Variants in OGT observed in about 807,000 individuals in gnomAD.
OGT encodes the protein UDP-N-acetylglucosamine--peptide N-acetylglucosaminyltransferase 110 kDa subunit.
In OGT, 3 loss-of-function variants were observed where a neutral mutation model predicts 75.8. That is an observed-to-expected ratio of 0.04 (90% CI 0.02 to 0.10). The LOEUF (loss-of-function observed/expected upper bound fraction) is 0.10, where lower values mean the gene tolerates loss of function less well. Ranked by LOEUF, OGT falls within the 10% of genes least tolerant of loss-of-function variation. OGT has a pLI of 1.00. For synonymous variants in OGT, 257 were observed against 289.7 expected (o/e 0.89, Z 1.15); for missense variants, 260 against 824.4 (o/e 0.32, Z 8.38).
At chrX:71,536,384 G>A (rs369692996) in intron 2 of OGT, 26 bp downstream of exon 2, 27 of 1,070,666 alleles carry the variant, frequency 2.5e-5, no homozygotes, top group Non-Finnish European at 3.2e-5. Context: ...GTACCTGCTC[G>A]TGATTGCTGC....
chrX:71,557,140 A>G, intron 10 of OGT, 35 bp downstream of exon 10: 1 of 1,202,332 alleles, frequency 8.3e-7, no homozygotes, highest in Non-Finnish European at 1.1e-6. Context: ...GCAGTTTAAC[A>G]CCTAAAATTT....
Position 71,537,969 on chromosome X carries a change from C to G in OGT, c.359C>G (p.Pro120Arg). ...EHYRHALRLKPDFIDGYINLA... is the reference protein window; with the variant it reads ...EHYRHALRLKRDFIDGYINLA... ...TATCGACATGCATTGCGTCTCAAAC[C>G]TGATTTCATCGATGGTTATATTAAC... The change falls in exon 3 of 22, where the codon CCT becomes CGT. Residue 120 changes from proline to arginine, a missense_variant. Transcript: ENST00000373719. The G allele has an allele frequency of 8.3e-7, 1 of 1,211,846 alleles. No individual in the cohort carries two copies. The highest frequency in any genetic ancestry group is 1.1e-6 in the Non-Finnish European group (1 of 895,488).
In OGT at chrX:71,538,018, G is replaced by A. The variant is rs1207966224; in HGVS notation, c.408G>A (p.Ala136=). The A allele has an allele frequency of 1.2e-5, 15 of 1,211,590 alleles. No homozygotes were observed. The East Asian group carries it at 3.2e-4, about 26-fold the overall frequency. ...ACCTGGCAGCCGCCTTGGTAGCAGC[G>A]GGTGACATGGAAGGGGCAGTACAAG... is the stretch of plus-strand genomic sequence containing the variant. ...YINLAAALVA[A]GDMEGAVQAY... The change falls in exon 3 of 22, where the codon GCG becomes GCA. Residue 136 remains alanine, a synonymous_variant. Coordinates refer to ENST00000373719, the MANE Select transcript of OGT (RefSeq NM_181672.3).
In OGT at chrX:71,541,479, A is replaced by T. The variant is rs182101371; in HGVS notation, c.463-3088A>T. On this transcript the variant is annotated intron_variant, in intron 3 of 21. Transcript: ENST00000373719. ...TGTTGTGGGGGAAGTTGCGGGTTAT[A>T]ATATAAGACAGGACCTGACCCGTAA... Among the ~76,000 whole-genome samples the T allele has an allele frequency of 2.0e-4, 22 of 111,842 alleles. No homozygotes were observed. The East Asian group carries it at 4.8e-3, about 24-fold the overall frequency.
chrX:71,541,539 T>C (rs1352325172), intron 3 of OGT, among the ~76,000 whole-genome samples: 2 of 111,322 alleles, frequency 1.8e-5, no homozygotes, highest in Non-Finnish European at 3.8e-5. Context: ...GGATGATAAT[T>C]GTTGGAGAGT....
Position 71,556,793 on chromosome X carries a change from A to G in OGT, c.1166+13A>G. 9.1e-7 allele frequency: 1 copy of G among 1,096,287 alleles called. No homozygotes were observed. Among genetic ancestry groups the G allele is most frequent in the South Asian group, 2.1e-5 (1 of 48,182 alleles). 90.3% of individuals were successfully genotyped at this position (1,096,287 alleles called of 1,213,427 possible). On this transcript the variant is annotated intron_variant, in intron 9 of 21. Transcript: ENST00000373719. ...AGGAGGCTATTCGGTAAGAGACACT[A>G]ACAGCCTTATTTTTAAAATTATTTT...
intron 4 of OGT, chrX:71,546,925 A>C: frequency 1.3e-6 from 1 of 754,510 alleles, no homozygotes; most frequent in South Asian, 6.7e-5. Context: ...ATTGGGTTTT[A>C]ACATACCTCG....
chrX:71,555,446 G>T, intron 7 of OGT, 61 bp downstream of exon 7: 1 of 1,031,896 alleles, frequency 9.7e-7, no homozygotes. Context: ...TTCTGGCCAG[G>T]TGTGGTGGCT....
At chrX:71,559,235 T>G (rs183231187) in intron 12 of OGT, 32 bp from the exon 13 acceptor site, 1 of 1,183,900 alleles carries the variant, frequency 8.4e-7, no homozygotes, top group Non-Finnish European at 1.1e-6. Context: ...TTTATGTAGA[T>G]TTTACTAACA....
At chrX:71,562,092 G>A (rs1036779132) in intron 15 of OGT, among the ~76,000 whole-genome samples, 192 bp downstream of exon 15, 2 of 112,473 alleles carry the variant, frequency 1.8e-5, no homozygotes, top group African/African-American at 6.5e-5. Context: ...TGTATATAGA[G>A]ACATGCAATT....
intron 21 of OGT, among the ~76,000 whole-genome samples, chrX:71,573,321 C>CA (rs1382032214): frequency 8.9e-6 from 1 of 112,098 alleles, no homozygotes; most frequent in African/African-American, 3.2e-5. Context: ...GTGCCGTTGT[C>CA]AATTCTTGTT....
chrX:71,541,068 C>A (rs908079728), intron 3 of OGT, among the ~76,000 whole-genome samples: 2 of 111,960 alleles, frequency 1.8e-5, no homozygotes, highest in Middle Eastern at 8.4e-3. Context: ...CTATACCTGG[C>A]AATTCCTTTT....
chrX:71,563,341 G>A lies in OGT; in HGVS notation c.2278G>A (p.Asp760Asn). The change falls in exon 18 of 22, where the codon GAT (aspartate) becomes AAT (asparagine). Residue 760 changes from aspartate (D) to asparagine (N), a missense_variant. Asp to Asn is a conservative substitution (Grantham distance 23). Around this residue, in one of 6 missense-constraint regions of OGT, gnomAD observed 79 missense variants for 141.0 expected, o/e 0.56. Coordinates refer to ENST00000373719, the MANE Select transcript of OGT (RefSeq NM_181672.3). ...DVKIVKMKCP[D>N]GGDNADSSNT... ...ATTTTTTTTTCAGATGAAGTGTCCTGATGGAGGAGACAATGCAGATAGCAG... is the reference window on the plus strand; with the variant it reads ...ATTTTTTTTTCAGATGAAGTGTCCTAATGGAGGAGACAATGCAGATAGCAG... 8.3e-7 allele frequency: 1 copy of A among 1,207,734 alleles called. No individual in the cohort carries two copies. The highest frequency in any genetic ancestry group is 1.7e-5 in the African/African-American group (1 of 57,617).
chrX:71,539,485 C>T (rs1569424155), intron 3 of OGT, among the ~76,000 whole-genome samples: 1 of 111,596 alleles, frequency 9.0e-6, no homozygotes. Flanking sequence ...CCACCACACC[C>T]AGCTTCTAAA....
At chrX:71,566,366 A>T (rs1366474951) in intron 19 of OGT, among the ~76,000 whole-genome samples, 4 of 111,977 alleles carry the variant, frequency 3.6e-5, no homozygotes, top group Non-Finnish European at 7.5e-5. Context: ...TTTATAAAGG[A>T]AAGAGGTTTA....
intron 21 of OGT, 87 bp from the exon 22 acceptor site, chrX:71,573,532 TG>T: frequency 2.5e-6 from 2 of 803,699 alleles, no homozygotes; most frequent in South Asian, 6.0e-5. Flanking sequence ...ATGCATTTTT[TG>T]CCACAAATGC....
chrX:71,533,450 C>T, intron 1 of OGT, 114 bp downstream of exon 1: 2 of 684,318 alleles, frequency 2.9e-6, no homozygotes, highest in Admixed American at 2.7e-5. Context: ...ACATCAGTGA[C>T]ATTGCTAAGC....
chrX:71,556,087 C>G lies in OGT; in HGVS notation c.1058C>G (p.Ala353Gly). ...GAGGCAGTTCGCTTGTATCGTAAAGCATTAGAAGTATGTGAGGGTGGTGTA... is the reference window on the plus strand; with the variant it reads ...GAGGCAGTTCGCTTGTATCGTAAAGGATTAGAAGTATGTGAGGGTGGTGTA... The part of the protein sequence containing the change: ...IEEAVRLYRK[A>G]LEVFPEFAAA... The change falls in exon 8 of 22, where the codon GCA becomes GGA. Residue 353 changes from alanine (A) to glycine (G), a missense_variant. Ala to Gly is a moderately conservative substitution (Grantham distance 60). Coordinates refer to ENST00000373719, the MANE Select transcript of OGT (RefSeq NM_181672.3). 8.3e-7 allele frequency: 1 copy of G among 1,210,392 alleles called. No homozygotes were observed. Among genetic ancestry groups the G allele is most frequent in the Non-Finnish European group, 1.1e-6 (1 of 894,710 alleles).
Position 71,533,234 on chromosome X carries a change from T to C in OGT, c.-66T>C. 1 of 1,066,887 alleles carries C rather than the reference T, an allele frequency of 9.4e-7. No homozygotes were observed. Among genetic ancestry groups the C allele is most frequent in the Admixed American group, 2.5e-5 (1 of 39,630 alleles). 87.9% of individuals were successfully genotyped at this position (1,066,887 alleles called of 1,213,427 possible). The stretch of plus-strand genomic sequence containing the variant: ...CCTTGTACTACTACCTCCAAATACG[T>C]TCTTGCTGGTAGTGGCGGCAGCAGG... On this transcript the variant is annotated 5_prime_UTR_variant, in exon 1 of 22. Coordinates refer to ENST00000373719, the MANE Select transcript of OGT (RefSeq NM_181672.3).
Sources: gnomAD v4.1 joint callset for allele counts (sites outside exome capture counted in the v4.1 genomes callset) on GRCh38, gnomAD v4.1.1 for gene constraint, gnomAD v4.1.1 regional missense constraint, MANE v1.5 for transcripts, NCBI Gene and HGNC (gene_info 2026-07-23, HGNC 2026-07-21) for gene names.